SKIL: variants seen among roughly 807,000 people sequenced by gnomAD.
SKIL encodes ski-like protein.
SKIL carries 20 observed loss-of-function variants against 69.6 expected under a neutral mutation model. That is an observed-to-expected ratio of 0.29 (90% CI 0.20 to 0.42). SKIL has a LOEUF of 0.42. Ranked by LOEUF, SKIL falls within the 10% of genes least tolerant of loss-of-function variation. The probability of loss-of-function intolerance (pLI) is 1.00; values close to 1 mark genes in which losing one functional copy is unlikely to be tolerated. For synonymous variants in SKIL, 310 were observed against 279.9 expected, an observed-to-expected ratio of 1.11 and a Z score of -1.08; for missense variants, 745 against 783.1, an observed-to-expected ratio of 0.95 and a Z score of 0.58.
At chr3:170,364,309 G>A (rs1450223898) in intron 2 of SKIL, among the ~76,000 whole-genome samples, 12 of 108,162 alleles carry the variant, frequency 1.1e-4, no homozygotes, top group African/African-American at 3.2e-4. Context: ...TGTTGCTCCC[G>A]TCTTTTTTTT....
intron 2 of SKIL, among the ~76,000 whole-genome samples, chr3:170,367,660 G>C (rs2108898812): frequency 6.6e-6 from 1 of 151,044 alleles, no homozygotes; most frequent in Admixed American, 6.6e-5. Context: ...TAGAGATGGG[G>C]GTTTCACTAT....
chr3:170,370,474 T>C (rs995395590), intron 2 of SKIL, among the ~76,000 whole-genome samples: 5 of 106,212 alleles, frequency 4.7e-5, no homozygotes, highest in South Asian at 3.7e-4. Context: ...GTTCATCTTA[T>C]AGTCTTACAG....
chr3:170,372,505 G>A (rs916647649), intron 2 of SKIL, among the ~76,000 whole-genome samples: 22 of 152,186 alleles, frequency 1.4e-4, no homozygotes, highest in African/African-American at 5.3e-4. Flanking sequence ...ACTAAGCCTT[G>A]AAATCTCTAA....
intron 2 of SKIL, among the ~76,000 whole-genome samples, chr3:170,378,352 C>G (rs1737140843): frequency 6.6e-6 from 1 of 152,128 alleles, no homozygotes; most frequent in Non-Finnish European, 1.5e-5. Flanking sequence ...TTGATTTCCT[C>G]CATTAGTAGG....
At chr3:170,383,778 A>G (rs1240583544) in intron 3 of SKIL, among the ~76,000 whole-genome samples, 1 of 152,126 alleles carries the variant, frequency 6.6e-6, no homozygotes, top group Non-Finnish European at 1.5e-5. Flanking sequence ...CCTGTGAGTC[A>G]GGACATAGCC....
At chr3:170,379,981 G>A (rs1222810288) in intron 2 of SKIL, among the ~76,000 whole-genome samples, 1 of 152,108 alleles carries the variant, frequency 6.6e-6, no homozygotes, top group African/African-American at 2.4e-5. Flanking sequence ...TTTCTCATCT[G>A]TAAAATGGTA....
Position 170,360,952 on chromosome 3 carries a change from A to T in SKIL, c.621A>T (p.Val207=), listed in dbSNP as rs1577405772. Residue 207 remains valine (V), a synonymous_variant, in exon 2 of 7, where the codon GTA becomes GTT. Transcript: ENST00000259119. The stretch of plus-strand genomic sequence containing the variant: ...CAGACCAGCTTCATATCTTAAAGGT[A>T]CTGGGCATACTTCCATTCAATGCCC... ...CTSDQLHILK[V]LGILPFNAPS... 6.2e-7 allele frequency: 1 copy of T among 1,614,220 alleles called. No individual in the cohort carries two copies. Among genetic ancestry groups the T allele is most frequent in the Non-Finnish European group, 8.5e-7 (1 of 1,180,038 alleles).
At chr3:170,380,507 G>A (rs887727733) in intron 2 of SKIL, among the ~76,000 whole-genome samples, 25 of 152,166 alleles carry the variant, frequency 1.6e-4, no homozygotes, top group African/African-American at 5.3e-4. Flanking sequence ...AGCTGGGTGT[G>A]GTGGTGGGTG....
intron 2 of SKIL, among the ~76,000 whole-genome samples, chr3:170,361,754 T>C (rs568894020): frequency 6.6e-6 from 1 of 151,740 alleles, no homozygotes; most frequent in Non-Finnish European, 1.5e-5. Context: ...TTTTTTTTTT[T>C]TTTTGTGCTT....
At chr3:170,388,576 G>T (rs902604845) in intron 4 of SKIL, among the ~76,000 whole-genome samples, 1 of 151,904 alleles carries the variant, frequency 6.6e-6, no homozygotes, top group Non-Finnish European at 1.5e-5. Flanking sequence ...GGGACTACAG[G>T]GATGTACCAC....
chr3:170,382,788 G>A (rs995494028), intron 3 of SKIL, among the ~76,000 whole-genome samples: 3 of 146,138 alleles, frequency 2.1e-5, no homozygotes, highest in Non-Finnish European at 4.5e-5. Flanking sequence ...GTATGATCTC[G>A]GCTCACTGCA....
At chr3:170,380,921 T>G (rs1322639706) in intron 2 of SKIL, among the ~76,000 whole-genome samples, 1 of 151,724 alleles carries the variant, frequency 6.6e-6, no homozygotes, top group African/African-American at 2.4e-5. Flanking sequence ...CTCAACTTCC[T>G]GGGCTCAAGG....
rs1381596701 is a variant in SKIL, at chr3:170,390,371, T to C, written c.1578T>C (p.Asp526=). 1.2e-6 allele frequency: 2 copies of C among 1,614,020 alleles called. No homozygotes were observed. The highest frequency in any genetic ancestry group is 1.7e-6 in the Non-Finnish European group (2 of 1,179,894). ...LLVKDVICED[D]KGKIMEEVMR... is the part of the protein sequence containing the mutation. ...TGAAAGATGTCATTTGTGAGGATGA[T>C]AAGGGAAAAATCATGGAAGAAGTAA... The change falls in exon 5 of 7, where the codon GAT becomes GAC. Residue 526 remains aspartate, a synonymous_variant. Transcript: ENST00000259119.
chr3:170,360,726 G>T lies in SKIL; in HGVS notation c.395G>T (p.Gly132Val). 1 of 1,614,060 alleles carries T rather than the reference G, an allele frequency of 6.2e-7. No individual in the cohort carries two copies. Among genetic ancestry groups the T allele is most frequent in the African/African-American group, 1.3e-5 (1 of 75,016 alleles). ...CTTCCATCACCTCAGGTTCTTCCTG[G>T]CCCATTGCTCATCCCTTCAGATAGC... ...LPLPSPQVLP[G>V]PLLIPSDSST... Residue 132 changes from glycine (G) to valine (V), a missense_variant, in exon 2 of 7, where the codon GGC (glycine) becomes GTC (valine). By Grantham distance (109) the Gly-to-Val change is moderately radical (BLOSUM62 -3). Transcript: ENST00000259119.
At chr3:170,389,245 C>T (rs1737792185) in intron 4 of SKIL, among the ~76,000 whole-genome samples, 3 of 151,774 alleles carry the variant, frequency 2.0e-5, no homozygotes, top group African/African-American at 7.3e-5. Context: ...TTTTTGTATA[C>T]AGCATAAGGT....
chr3:170,366,988 A>G (rs185857899), intron 2 of SKIL, among the ~76,000 whole-genome samples: 1 of 152,364 alleles, frequency 6.6e-6, no homozygotes, highest in African/African-American at 2.4e-5. Context: ...TATGAAAAAA[A>G]GATCAACAGG....
chr3:170,365,340 T>C (rs1182698413), intron 2 of SKIL, among the ~76,000 whole-genome samples: 1 of 152,166 alleles, frequency 6.6e-6, no homozygotes, highest in Non-Finnish European at 1.5e-5. Context: ...TCAATTTACC[T>C]TAGTACAGGT....
In SKIL at chr3:170,360,314, T is replaced by G; in HGVS notation, c.-18T>G. The G allele has an allele frequency of 2.0e-6, 3 of 1,520,250 alleles. No homozygotes were observed. Among genetic ancestry groups the G allele is most frequent in the South Asian group, 1.4e-5 (1 of 73,988 alleles). The allele number at this position is 1,520,250 out of a possible 1,614,324, so 94.2% of individuals were successfully genotyped here. A position where few individuals can be genotyped will look rare whatever the true frequency, so the allele number is the denominator to read the frequency against. On this transcript the variant is annotated 5_prime_UTR_variant, in exon 2 of 7. In the 5' UTR this introduces an upstream ATG that the reference lacks. Transcript: ENST00000259119. ...AAATGCTAATCTCAGACTTAATTATTTAACAGAAGAGTGTACCATGGAAAA... is the reference window on the plus strand; with the variant it reads ...AAATGCTAATCTCAGACTTAATTATGTAACAGAAGAGTGTACCATGGAAAA...
intron 2 of SKIL, among the ~76,000 whole-genome samples, chr3:170,379,992 A>G (rs1326592610): frequency 6.6e-6 from 1 of 152,152 alleles, no homozygotes; most frequent in Non-Finnish European, 1.5e-5. Context: ...TAAAATGGTA[A>G]TGATACCTAT....
Sources: allele counts gnomAD v4.1 joint callset (sites outside exome capture counted in the v4.1 genomes callset), GRCh38; gene constraint gnomAD v4.1.1; transcripts MANE v1.5; gene names NCBI Gene and HGNC (gene_info 2026-07-23, HGNC 2026-07-21).